The following BDP1 variants were observed in gnomAD, a reference collection of about 807,000 sequenced individuals.
BDP1 encodes transcription factor TFIIIB component B'' homolog.
A neutral mutation model predicts 266.6 loss-of-function variants in BDP1; 169 were observed. The observed-to-expected ratio is 0.63, with a 90% CI of 0.56 to 0.72. BDP1 has a LOEUF of 0.72. BDP1 is among the 30% of genes least tolerant of loss of function. BDP1 has a pLI of 0.00. For missense variants in BDP1, 3,015 were observed against 3,053.8 expected, an observed-to-expected ratio of 0.99 and a Z score of 0.30; for synonymous variants, 1,090 against 1,022.4, an observed-to-expected ratio of 1.07 and a Z score of -1.26.
At position 71,564,753 on chromosome 5, in the gene BDP1, G is replaced by A. The variant is rs772970426; in HGVS notation, c.7744-1G>A. On this transcript the variant is annotated splice_acceptor_variant, in intron 38 of 38. Transcript: ENST00000358731. LOFTEE classifies it high-confidence loss of function. ...TTACTTTATTTTTATTACCTTTTTAGGTTTCTTGTGATCAGCCCTTACTGA... is the reference window on the plus strand; with the variant it reads ...TTACTTTATTTTTATTACCTTTTTAAGTTTCTTGTGATCAGCCCTTACTGA... 14 of 1,593,914 alleles carry A rather than the reference G, an allele frequency of 8.8e-6. No individual in the cohort carries two copies. The highest frequency in any genetic ancestry group is 1.2e-5 in the Non-Finnish European group (14 of 1,175,068).
At chr5:71,456,448 C>T (rs1354995630) in intron 1 of BDP1, among the ~76,000 whole-genome samples, 8 of 152,176 alleles carry the variant, frequency 5.3e-5, no homozygotes, top group African/African-American at 9.7e-5. Context: ...GTGTTTTTGT[C>T]TTTCAATTTA....
At chr5:71,547,299 C>T (rs1742402066) in intron 32 of BDP1, among the ~76,000 whole-genome samples, 1 of 152,044 alleles carries the variant, frequency 6.6e-6, no homozygotes, top group African/African-American at 2.4e-5. Flanking sequence ...GAAGTTTAGA[C>T]CAGTCTAGGC....
chr5:71,530,501 C>T (rs1766174267), intron 25 of BDP1, among the ~76,000 whole-genome samples: 1 of 152,114 alleles, frequency 6.6e-6, no homozygotes, highest in Admixed American at 6.6e-5. Flanking sequence ...ACCTCAGCCT[C>T]CCAAAGTGCT....
chr5:71,560,213 C>T lies in BDP1; in HGVS notation c.7472C>T (p.Ser2491Leu), dbSNP rs1337720585. 3.1e-6 allele frequency: 5 copies of T among 1,614,076 alleles called. No homozygotes were observed. The highest frequency in any genetic ancestry group is 1.7e-5 in the Admixed American group (1 of 60,024). The stretch of plus-strand genomic sequence containing the variant: ...TCTCAGCAAATGGATAGCAGAACAT[C>T]GTCTTCTAAAGCCTCACTATCCAGG... ...PKSQQMDSRTSSSKASLSRPG... is the reference protein window; with the variant it reads ...PKSQQMDSRTLSSKASLSRPG... The change falls in exon 37 of 39, where the codon TCG becomes TTG. Residue 2491 changes from serine to leucine, a missense_variant. Transcript: ENST00000358731.
chr5:71,481,696 C>G (rs1237039389), intron 7 of BDP1, among the ~76,000 whole-genome samples: 1 of 152,154 alleles, frequency 6.6e-6, no homozygotes, highest in Non-Finnish European at 1.5e-5. Context: ...CTAGGACATC[C>G]TTTCTCCAAT....
chr5:71,525,610 C>T (rs1338407750), intron 25 of BDP1, among the ~76,000 whole-genome samples: 3 of 122,560 alleles, frequency 2.4e-5, no homozygotes, highest in Non-Finnish European at 3.6e-5. Context: ...ACCTCCTTCC[C>T]GGACGGGGCG....
At position 71,524,254 on chromosome 5, in the gene BDP1, A is replaced by G; in HGVS notation, c.5703A>G (p.Pro1901=). Residue 1901 remains proline, a synonymous_variant, in exon 25 of 39, where the codon CCA becomes CCG. Coordinates refer to ENST00000358731, the MANE Select transcript of BDP1 (RefSeq NM_018429.3). ...HLAPEEVNKA[P]VFVPVGLRSP... ...CTCCCGAAGAAGTAAACAAAGCTCC[A>G]GTATTTGTACCTGTTGGTCTCAGAT... 4 of 1,614,032 alleles carry G rather than the reference A, an allele frequency of 2.5e-6. No homozygotes were observed. Among genetic ancestry groups the G allele is most frequent in the Non-Finnish European group, 3.4e-6 (4 of 1,179,878 alleles).
intron 1 of BDP1, 62 bp from the exon 2 acceptor site, chr5:71,458,517 T>A: frequency 7.7e-7 from 1 of 1,296,522 alleles, no homozygotes; most frequent in Non-Finnish European, 1.0e-6. Context: ...GACTAGGTTT[T>A]AAAACTAGCA....
chr5:71,509,784 A>C lies in BDP1; in HGVS notation c.2692A>C (p.Met898Leu). 6.2e-7 allele frequency: 1 copy of C among 1,614,198 alleles called. No homozygotes were observed. The highest frequency in any genetic ancestry group is 8.5e-7 in the Non-Finnish European group (1 of 1,180,024). ...AGATGTGATTGATGACACCATAGAA[A>C]TGGAGACAGGTCTGAAAGCAATGGG... Reference protein sequence around the residue: ...ILDVIDDTIEMETGLKAMGRE... With the variant: ...ILDVIDDTIELETGLKAMGRE... The change falls in exon 17 of 39, where the codon ATG (methionine) becomes CTG (leucine). Residue 898 changes from methionine to leucine, a missense_variant. Met to Leu is a conservative substitution (Grantham distance 15). This residue lies in a region of BDP1 where 2,383 missense variants were observed against 2,404.9 expected (regional missense o/e 0.99). Coordinates refer to ENST00000358731, the MANE Select transcript of BDP1 (RefSeq NM_018429.3).
chr5:71,461,958 CTTTTTTTT>C (rs370261571), intron 3 of BDP1, 32 bp downstream of exon 3: 51 of 444,038 alleles, frequency 1.1e-4, no homozygotes, highest in East Asian at 3.0e-4. Flanking sequence ...TTTACTATCT[CTTTTTTTT>C]TTTTTTTTTT....
intron 17 of BDP1, 75 bp downstream of exon 17, chr5:71,511,226 T>C: frequency 7.1e-7 from 1 of 1,409,664 alleles, no homozygotes; most frequent in South Asian, 1.3e-5. Context: ...ATGATTATTT[T>C]GTCCTTAAGT....
chr5:71,516,132 G>C lies in BDP1; in HGVS notation c.4721G>C (p.Gly1574Ala). The change falls in exon 21 of 39, where the codon GGC becomes GCC. Residue 1574 changes from glycine to alanine, a missense_variant. By Grantham distance (60) the Gly-to-Ala change is moderately conservative (BLOSUM62 0). This residue lies in a region of BDP1 where 2,383 missense variants were observed against 2,404.9 expected (regional missense o/e 0.99). Coordinates refer to ENST00000358731, the MANE Select transcript of BDP1 (RefSeq NM_018429.3). ...ATCCAAACTGCTCGACAAGTAAGGG[G>C]CCGACTTCAGAGACCGAGACCAAAT... ...SVIQTARQVRGRLQRPRPNIR... is the reference protein window; with the variant it reads ...SVIQTARQVRARLQRPRPNIR... The C allele has an allele frequency of 1.9e-6, 3 of 1,612,712 alleles. No individual in the cohort carries two copies. Among genetic ancestry groups the C allele is most frequent in the Non-Finnish European group, 2.5e-6 (3 of 1,179,270 alleles).
At chr5:71,515,697 A>C (rs945801307) in intron 20 of BDP1, among the ~76,000 whole-genome samples, 2 of 152,142 alleles carry the variant, frequency 1.3e-5, no homozygotes, top group Admixed American at 6.6e-5. Flanking sequence ...AAGTGTATTC[A>C]CATTGTTGTC....
At chr5:71,503,236 C>T (rs977808169) in intron 15 of BDP1, among the ~76,000 whole-genome samples, 3 of 152,208 alleles carry the variant, frequency 2.0e-5, no homozygotes, top group Non-Finnish European at 4.4e-5. Context: ...ATCCACCCGC[C>T]TTGGCCTCCC....
chr5:71,511,111 G>A lies in BDP1; in HGVS notation c.4019G>A (p.Gly1340Asp), dbSNP rs771515906. The change falls in exon 17 of 39, where the codon GGT becomes GAT. Residue 1340 changes from glycine (G) to aspartate (D), a missense_variant. This residue lies in a region of BDP1 where 2,383 missense variants were observed against 2,404.9 expected (regional missense o/e 0.99). Coordinates refer to ENST00000358731, the MANE Select transcript of BDP1 (RefSeq NM_018429.3). Reference sequence around the variant, plus strand: ...ACTGACACACATTTAATGCAGAGCGGTAGCAATGACTTCAGTGCTGTGCCT... The same window carrying A: ...ACTGACACACATTTAATGCAGAGCGATAGCAATGACTTCAGTGCTGTGCCT... ...RQTDTHLMQS[G>D]SNDFSAVPSL... is the part of the protein sequence containing the mutation. The A allele has an allele frequency of 1.9e-6, 3 of 1,614,018 alleles. 1 individual carries two copies. Among genetic ancestry groups the A allele is most frequent in the African/African-American group, 1.3e-5 (1 of 75,054 alleles).
intron 6 of BDP1, among the ~76,000 whole-genome samples, chr5:71,468,050 C>T (rs1762008445): frequency 6.6e-6 from 1 of 152,026 alleles, no homozygotes; most frequent in South Asian, 2.1e-4. Context: ...CGGAGTTTCC[C>T]TCTTGTTGCC....
At chr5:71,552,665 C>A (rs952292714) in intron 34 of BDP1, among the ~76,000 whole-genome samples, 1 of 152,212 alleles carries the variant, frequency 6.6e-6, no homozygotes, top group Non-Finnish European at 1.5e-5. Context: ...CAAAAAAATA[C>A]GAAAACCAGT....
intron 36 of BDP1, among the ~76,000 whole-genome samples, chr5:71,559,220 G>C (rs1052360475): frequency 6.6e-6 from 1 of 152,140 alleles, no homozygotes; most frequent in Non-Finnish European, 1.5e-5. Flanking sequence ...TCCCAACTTT[G>C]ACTGTGAAAC....
At position 71,566,702 on chromosome 5, in the gene BDP1, C is replaced by G. The variant is rs1744054135; in HGVS notation, c.*1817C>G. The G allele has an allele frequency of 6.6e-6, 1 of 152,144 alleles. No homozygotes were observed. Among genetic ancestry groups the G allele is most frequent in the Non-Finnish European group, 1.5e-5 (1 of 68,020 alleles). The allele number at this position is 152,144 out of a possible 1,614,324, so 9.4% of individuals were successfully genotyped here. On this transcript the variant is annotated 3_prime_UTR_variant, in exon 39 of 39. Transcript: ENST00000358731. The stretch of plus-strand genomic sequence containing the variant: ...TGGATTGGCCTTTTAGTTTGACCCC[C>G]TACATTAGGCCCCAAATTTTCTTAC...
Sources: allele counts gnomAD v4.1 joint callset (sites outside exome capture counted in the v4.1 genomes callset), GRCh38; gene constraint gnomAD v4.1.1; regional missense constraint gnomAD v4.1.1; transcripts MANE v1.5; gene names NCBI Gene and HGNC (gene_info 2026-07-23, HGNC 2026-07-21).